Variants in PPFIA2 observed in about 807,000 individuals in gnomAD.
PPFIA2 encodes PPFI scaffold protein A2.
PPFIA2 carries 46 observed loss-of-function variants against 175.5 expected under a neutral mutation model. The ratio of observed to expected loss-of-function variants is 0.26; its 90% CI spans 0.21 to 0.34. The LOEUF (loss-of-function observed/expected upper bound fraction) is 0.34, where lower values mean the gene tolerates loss of function less well. Ranked by LOEUF, PPFIA2 falls within the 10% of genes least tolerant of loss-of-function variation. PPFIA2 has a pLI of 1.00. For missense variants in PPFIA2, 1,179 were observed against 1,506.1 expected (o/e 0.78, Z 3.60); for synonymous variants, 568 against 511.4 (o/e 1.11, Z -1.49).
chr12:81,715,612 T>C (rs564551701), intron 3 of PPFIA2, among the ~76,000 whole-genome samples: 2 of 151,758 alleles, frequency 1.3e-5, no homozygotes, highest in Non-Finnish European at 2.9e-5. Flanking sequence ...TTGCTCTCAG[T>C]TTCCATGAAT....
chr12:81,403,071 A>C (rs1345347148), intron 8 of PPFIA2, among the ~76,000 whole-genome samples: 1 of 152,190 alleles, frequency 6.6e-6, no homozygotes, highest in Admixed American at 6.5e-5. Context: ...ATTATTCTAA[A>C]GCATTTAGAA....
chr12:81,666,546 G>A (rs1379051037), intron 4 of PPFIA2, among the ~76,000 whole-genome samples: 1 of 152,080 alleles, frequency 6.6e-6, no homozygotes, highest in Non-Finnish European at 1.5e-5. Flanking sequence ...TCACTCATAG[G>A]TGGGAATTGA....
intron 4 of PPFIA2, among the ~76,000 whole-genome samples, chr12:81,633,721 A>C (rs538308414): frequency 6.6e-6 from 1 of 152,250 alleles, no homozygotes; most frequent in African/African-American, 2.4e-5. Flanking sequence ...TGGATAATTA[A>C]GTAGATAATG....
At chr12:81,422,595 A>C (rs1036246886) in intron 7 of PPFIA2, among the ~76,000 whole-genome samples, 1 of 152,114 alleles carries the variant, frequency 6.6e-6, no homozygotes, top group African/African-American at 2.4e-5. Context: ...CACTTCTTAC[A>C]TGGACGGCAG....
rs2032271447 is a variant in PPFIA2, at chr12:81,364,258, T to C, written c.1546-1474A>G. Among the ~76,000 whole-genome samples the C allele has an allele frequency of 2.0e-5, 3 of 151,858 alleles. No individual in the cohort carries two copies. In the Admixed American group the frequency reaches 2.0e-4, roughly 10 times the overall value. ...TTAAATTGACAAATAGAGGATACTT[T>C]TTAAAAGTATGATTGCAGAACTCAG... On this transcript the variant is annotated intron_variant, in intron 14 of 32. Transcript: ENST00000549396.
chr12:81,259,890 A>G (rs2136055193), intron 32 of PPFIA2: 1 of 386,682 alleles, frequency 2.6e-6, no homozygotes, highest in East Asian at 3.8e-5. Context: ...AACTTTGTGG[A>G]AAGTATGGCA....
intron 4 of PPFIA2, among the ~76,000 whole-genome samples, chr12:81,485,912 C>T (rs936739960): frequency 6.6e-6 from 1 of 151,790 alleles, no homozygotes; most frequent in African/African-American, 2.4e-5. Context: ...AGACTAAGTA[C>T]CCCATCTGCA....
intron 22 of PPFIA2, among the ~76,000 whole-genome samples, chr12:81,325,511 A>C (rs2054568622): frequency 6.6e-6 from 1 of 152,140 alleles, no homozygotes; most frequent in Admixed American, 6.6e-5. Context: ...GCATTGCATT[A>C]CTTGTAAGGA....
intron 4 of PPFIA2, among the ~76,000 whole-genome samples, chr12:81,521,165 T>C (rs1347727794): frequency 1.3e-5 from 2 of 151,434 alleles, no homozygotes; most frequent in African/African-American, 2.4e-5. Flanking sequence ...TGGAATACAA[T>C]GCATTCTTGA....
intron 4 of PPFIA2, among the ~76,000 whole-genome samples, chr12:81,568,304 T>C (rs965364333): frequency 6.6e-6 from 1 of 152,288 alleles, no homozygotes; most frequent in Admixed American, 6.5e-5. Context: ...GAATGTGCTA[T>C]CTTTTGCCTC....
At chr12:81,667,055 T>G (rs2070463082) in intron 4 of PPFIA2, among the ~76,000 whole-genome samples, 2 of 152,112 alleles carry the variant, frequency 1.3e-5, no homozygotes, top group Non-Finnish European at 2.9e-5. Context: ...CACTAATTAT[T>G]TTGGAAACTT....
intron 4 of PPFIA2, among the ~76,000 whole-genome samples, chr12:81,666,468 G>A (rs1221736249): frequency 3.9e-5 from 6 of 152,086 alleles, no homozygotes; most frequent in Non-Finnish European, 4.4e-5. Flanking sequence ...GTAGGGACAC[G>A]GATGAAGCTG....
chr12:81,600,595 A>G (rs1459345313), intron 4 of PPFIA2, among the ~76,000 whole-genome samples: 2 of 151,876 alleles, frequency 1.3e-5, no homozygotes, highest in Non-Finnish European at 2.9e-5. Flanking sequence ...TTCCCTTCTG[A>G]TATCTTAGTC....
intron 2 of PPFIA2, among the ~76,000 whole-genome samples, chr12:81,757,860 T>C (rs1341829029): frequency 2.0e-5 from 3 of 152,204 alleles, no homozygotes; most frequent in Non-Finnish European, 4.4e-5. Flanking sequence ...AATGTAATTA[T>C]TATCCATAGT....
chr12:81,638,319 T>A (rs2064390132), intron 4 of PPFIA2, among the ~76,000 whole-genome samples: 2 of 152,122 alleles, frequency 1.3e-5, no homozygotes, highest in Admixed American at 6.6e-5. Flanking sequence ...ATAAGGGTAG[T>A]AATGAATTTG....
intron 8 of PPFIA2, among the ~76,000 whole-genome samples, chr12:81,401,080 C>A (rs1272281140): frequency 6.6e-6 from 1 of 152,118 alleles, no homozygotes; most frequent in African/African-American, 2.4e-5. Context: ...GTCTTCACCA[C>A]TCACCTTGTA....
intron 3 of PPFIA2, among the ~76,000 whole-genome samples, chr12:81,746,696 A>C (rs2083110806): frequency 6.9e-6 from 1 of 144,038 alleles, no homozygotes; most frequent in Non-Finnish European, 1.6e-5. Flanking sequence ...CTAGAGACAG[A>C]GGGAAACAAT....
intron 21 of PPFIA2, among the ~76,000 whole-genome samples, chr12:81,336,076 T>C (rs941829639): frequency 6.6e-6 from 1 of 152,140 alleles, no homozygotes; most frequent in African/African-American, 2.4e-5. Context: ...TCCTACATTA[T>C]AGGTAATAAT....
At chr12:81,591,412 G>A (rs541543661) in intron 4 of PPFIA2, among the ~76,000 whole-genome samples, 3 of 152,214 alleles carry the variant, frequency 2.0e-5, no homozygotes, top group Admixed American at 1.3e-4. Context: ...GCCGGCTGCA[G>A]GAATTTGCAT....
Sources: gnomAD v4.1 joint callset for allele counts (sites outside exome capture counted in the v4.1 genomes callset) on GRCh38, gnomAD v4.1.1 for gene constraint, MANE v1.5 for transcripts, NCBI Gene and HGNC (gene_info 2026-07-23, HGNC 2026-07-21) for gene names.